Variants in SPAG16 observed in about 807,000 individuals in gnomAD.
SPAG16 encodes the protein sperm-associated antigen 16 protein.
Under a neutral mutation model 80.4 loss-of-function variants are expected in SPAG16, and 86 were observed. The ratio of observed to expected loss-of-function variants is 1.07; its 90% confidence interval spans 0.90 to 1.28. The LOEUF is 1.28. SPAG16 is among the 50% of genes most tolerant of loss of function. The probability of loss-of-function intolerance (pLI) is 0.00; values close to 1 mark genes in which losing one functional copy is unlikely to be tolerated. For synonymous variants in SPAG16, 294 were observed against 265.9 expected (o/e 1.11, Z -1.03); for missense variants, 870 against 765.3 (o/e 1.14, Z -1.61).
At chr2:214,349,127 AC>A (rs1698245545) in intron 15 of SPAG16, among the ~76,000 whole-genome samples, 1 of 152,166 alleles carries the variant, frequency 6.6e-6, no homozygotes, top group African/African-American at 2.4e-5. Flanking sequence ...TTTGCATGGC[AC>A]CTACCTGCAG....
intron 10 of SPAG16, among the ~76,000 whole-genome samples, chr2:213,587,421 C>T (rs1452531376): frequency 6.6e-6 from 1 of 152,140 alleles, no homozygotes; most frequent in Non-Finnish European, 1.5e-5. Flanking sequence ...AAGCAGAGCC[C>T]ATGATCTGAG....
intron 10 of SPAG16, among the ~76,000 whole-genome samples, chr2:213,685,394 C>T (rs2064616002): frequency 6.6e-6 from 1 of 152,210 alleles, no homozygotes; most frequent in Non-Finnish European, 1.5e-5. Context: ...CAGGGAATTC[C>T]TGAGGTTACC....
At chr2:214,368,580 T>G (rs759152711) in intron 15 of SPAG16, among the ~76,000 whole-genome samples, 14 of 152,088 alleles carry the variant, frequency 9.2e-5, no homozygotes, top group Admixed American at 2.0e-4. Flanking sequence ...CATATCAACT[T>G]AATCTCACCT....
At chr2:213,903,133 A>T (rs1238236955) in intron 11 of SPAG16, among the ~76,000 whole-genome samples, 2 of 152,118 alleles carry the variant, frequency 1.3e-5, no homozygotes, top group East Asian at 1.9e-4. Flanking sequence ...CCAGGGGCAC[A>T]GTGCAAGCTG....
At chr2:213,846,669 A>G (rs1324100663) in intron 10 of SPAG16, among the ~76,000 whole-genome samples, 3 of 152,206 alleles carry the variant, frequency 2.0e-5, no homozygotes, top group African/African-American at 7.2e-5. Context: ...ATTAGAAGCT[A>G]TAATTTCATA....
intron 15 of SPAG16, among the ~76,000 whole-genome samples, chr2:214,274,835 C>G (rs1460247798): frequency 6.6e-6 from 1 of 152,162 alleles, no homozygotes; most frequent in African/African-American, 2.4e-5. Flanking sequence ...AGGATTCCCT[C>G]TTTTTCTATT....
Position 214,042,025 on chromosome 2 carries a change from T to C in SPAG16, c.1527+27948T>C, listed in dbSNP as rs184986747. ...ATATATATACACACACACACAAATA[T>C]ATACACAAACATGTAATAAGTGTAC... is the stretch of plus-strand genomic sequence containing the variant. On this transcript the variant is annotated intron_variant, in intron 13 of 15. Coordinates refer to ENST00000331683, the MANE Select transcript of SPAG16 (RefSeq NM_024532.5). 1.5e-4 allele frequency among the ~76,000 whole-genome samples: 21 copies of C among 144,060 alleles called. No homozygotes were observed. In the East Asian group the frequency reaches 2.8e-3, roughly 19 times the overall value. The allele number at this position is 144,060 out of a possible 152,430, so 94.5% of individuals were successfully genotyped here. A position where few individuals can be genotyped will look rare whatever the true frequency, so the allele number is the denominator to read the frequency against.
chr2:213,460,437 A>C (rs1348655503), intron 9 of SPAG16, among the ~76,000 whole-genome samples: 1 of 152,226 alleles, frequency 6.6e-6, no homozygotes, highest in Non-Finnish European at 1.5e-5. Context: ...CCCTCTGCTG[A>C]AAATTACATG....
In SPAG16 at chr2:214,386,449, A is replaced by G. The variant is rs535255709; in HGVS notation, c.1721-23691A>G. 1.1e-3 allele frequency among the ~76,000 whole-genome samples: 164 copies of G among 152,354 alleles called. 2 individuals carry two copies. Among genetic ancestry groups the G allele is most frequent in the African/African-American group, 3.7e-3 (154 of 41,578 alleles). ...CAAAATTTATGAACATTGTTTTTTAAGAAACATTTTTCTCTGTGGAGTCAG... is the reference window on the plus strand; with the variant it reads ...CAAAATTTATGAACATTGTTTTTTAGGAAACATTTTTCTCTGTGGAGTCAG... On this transcript the variant is annotated intron_variant, in intron 15 of 15. Transcript: ENST00000331683.
chr2:214,390,004 C>T lies in SPAG16; in HGVS notation c.1721-20136C>T, dbSNP rs544877370. ...CCCAAGCTCAGGAATGGTTATTAACCAACGTTTGTACTGAAGCCCGACACT... is the reference window on the plus strand; with the variant it reads ...CCCAAGCTCAGGAATGGTTATTAACTAACGTTTGTACTGAAGCCCGACACT... On this transcript the variant is annotated intron_variant, in intron 15 of 15. Coordinates refer to ENST00000331683, the MANE Select transcript of SPAG16 (RefSeq NM_024532.5). Among the ~76,000 whole-genome samples, 17 of 152,234 alleles carry T rather than the reference C, an allele frequency of 1.1e-4. No individual in the cohort carries two copies. In the South Asian group the frequency reaches 3.1e-3, roughly 28 times the overall value.
chr2:213,387,962 T>C (rs1184640492), intron 9 of SPAG16, among the ~76,000 whole-genome samples: 1 of 152,152 alleles, frequency 6.6e-6, no homozygotes, highest in East Asian at 1.9e-4. Flanking sequence ...GGATGCCTCC[T>C]CATCTAGATA....
At chr2:213,767,886 T>C (rs1326951038) in intron 10 of SPAG16, among the ~76,000 whole-genome samples, 2 of 152,206 alleles carry the variant, frequency 1.3e-5, no homozygotes, top group Non-Finnish European at 2.9e-5. Flanking sequence ...AGATGTAGTC[T>C]ACTCTTTCAG....
At chr2:213,581,676 T>G (rs78506781) in intron 10 of SPAG16, among the ~76,000 whole-genome samples, 2,313 of 152,204 alleles carry the variant, frequency 0.015, 29 homozygotes, top group South Asian at 0.052. Context: ...GAAATTGAGA[T>G]GAAGGTAGCT....
chr2:214,139,336 T>C (rs1190115083), intron 14 of SPAG16, among the ~76,000 whole-genome samples: 2 of 152,104 alleles, frequency 1.3e-5, no homozygotes, highest in East Asian at 1.9e-4. Flanking sequence ...TTCCCTGTTG[T>C]TGCTTAATTA....
chr2:213,681,551 G>T (rs2064382456), intron 10 of SPAG16, among the ~76,000 whole-genome samples: 1 of 152,046 alleles, frequency 6.6e-6, no homozygotes, highest in Non-Finnish European at 1.5e-5. Context: ...TTAACACATG[G>T]CCAGGTTATG....
At chr2:213,789,284 CAGTT>C (rs1431509467) in intron 10 of SPAG16, among the ~76,000 whole-genome samples, 1 of 151,880 alleles carries the variant, frequency 6.6e-6, no homozygotes, top group East Asian at 1.9e-4. Context: ...CCATTTTTGA[CAGTT>C]AGTGTGGGTC....
chr2:213,505,227 TA>T (rs528754542), intron 10 of SPAG16, among the ~76,000 whole-genome samples: 14 of 152,176 alleles, frequency 9.2e-5, no homozygotes, highest in Admixed American at 3.3e-4. Context: ...TAGAAATGGA[TA>T]GGGGGTATCA....
intron 10 of SPAG16, among the ~76,000 whole-genome samples, chr2:213,754,077 G>C (rs2068207907): frequency 6.6e-6 from 1 of 152,012 alleles, no homozygotes; most frequent in Non-Finnish European, 1.5e-5. Context: ...CTGGAATCCT[G>C]GTCAAAAACT....
intron 15 of SPAG16, among the ~76,000 whole-genome samples, chr2:214,193,435 G>GTGT (rs1559119486): frequency 3.5e-5 from 5 of 141,940 alleles, no homozygotes; most frequent in African/African-American, 1.0e-4. Context: ...ATGAGAGAGA[G>GTGT]AGAGAGAGAG....
Sources: allele counts gnomAD v4.1 joint callset (sites outside exome capture counted in the v4.1 genomes callset), GRCh38; gene constraint gnomAD v4.1.1; transcripts MANE v1.5; gene names NCBI Gene and HGNC (gene_info 2026-07-23, HGNC 2026-07-21).